The following GRM7 variants were observed in gnomAD, a reference collection of about 807,000 sequenced individuals.
The protein encoded by GRM7 is glutamate metabotropic receptor 7.
GRM7 carries 35 observed loss-of-function variants against 84.5 expected under a neutral mutation model. That is an observed-to-expected ratio of 0.41 (90% CI 0.32 to 0.55). The LOEUF (loss-of-function observed/expected upper bound fraction) is 0.55, where lower values mean the gene tolerates loss of function less well. Among genes scored for constraint, GRM7 ranks in the 20% least tolerant of loss-of-function variants. GRM7 has a pLI of 0.19. For synonymous variants in GRM7, 487 were observed against 455.1 expected, an observed-to-expected ratio of 1.07 and a Z score of -0.89; for missense variants, 1,003 against 1,194.6, an observed-to-expected ratio of 0.84 and a Z score of 2.36.
At chr3:7,681,265 C>T (rs937112466) in intron 9 of GRM7, 1 of 152,168 alleles carries the variant, frequency 6.6e-6, no homozygotes, top group African/African-American at 2.4e-5. Flanking sequence ...AAGTCATTCA[C>T]GACATACTGT....
intron 4 of GRM7, among the ~76,000 whole-genome samples, chr3:7,346,216 A>G (rs1212646978): frequency 1.3e-5 from 2 of 152,118 alleles, no homozygotes; most frequent in East Asian, 1.9e-4. Flanking sequence ...CAATACTGTA[A>G]AAGTATTGAT....
chr3:7,148,109 C>G (rs1414958028), intron 2 of GRM7, among the ~76,000 whole-genome samples: 1 of 152,170 alleles, frequency 6.6e-6, no homozygotes, highest in Non-Finnish European at 1.5e-5. Flanking sequence ...GAAATCTTAA[C>G]TCTGGCCTTG....
chr3:7,175,022 G>A (rs531160405), intron 2 of GRM7, among the ~76,000 whole-genome samples: 4 of 152,092 alleles, frequency 2.6e-5, no homozygotes, highest in Admixed American at 6.5e-5. Context: ...TCCCTCCTTC[G>A]GATTAAGGAG....
chr3:7,611,955 A>G (rs886174664), intron 8 of GRM7, among the ~76,000 whole-genome samples: 5 of 152,188 alleles, frequency 3.3e-5, no homozygotes, highest in Admixed American at 3.3e-4. Flanking sequence ...TATAATAGGA[A>G]AAGCTATGGA....
intron 7 of GRM7, among the ~76,000 whole-genome samples, chr3:7,557,375 G>C (rs1693816573): frequency 6.6e-6 from 1 of 152,136 alleles, no homozygotes; most frequent in Non-Finnish European, 1.5e-5. Flanking sequence ...ACATATCTGG[G>C]AAGAAACATC....
At chr3:6,964,509 A>C (rs147016075) in intron 1 of GRM7, among the ~76,000 whole-genome samples, 139 of 152,212 alleles carry the variant, frequency 9.1e-4, no homozygotes, top group Non-Finnish European at 1.5e-3. Flanking sequence ...TACTTCTCAG[A>C]CATATCCAGT....
At chr3:7,633,668 G>A (rs1278028671) in intron 8 of GRM7, among the ~76,000 whole-genome samples, 1 of 152,102 alleles carries the variant, frequency 6.6e-6, no homozygotes, top group Non-Finnish European at 1.5e-5. Flanking sequence ...GTTCCATTTT[G>A]TCTGCTATGA....
intron 1 of GRM7, among the ~76,000 whole-genome samples, chr3:6,910,896 C>CA (rs1280736100): frequency 1.3e-5 from 2 of 152,104 alleles, no homozygotes; most frequent in Admixed American, 6.6e-5. Context: ...TCCCATCTAA[C>CA]AGAGTTCTAT....
intron 8 of GRM7, among the ~76,000 whole-genome samples, chr3:7,622,955 G>GAAGAT (rs1312797555): frequency 6.6e-6 from 1 of 152,132 alleles, no homozygotes; most frequent in African/African-American, 2.4e-5. Flanking sequence ...TGCAGGCCCA[G>GAAGAT]AAGATAAGGT....
chr3:7,664,240 C>T (rs912592367), intron 8 of GRM7, among the ~76,000 whole-genome samples: 24 of 152,246 alleles, frequency 1.6e-4, no homozygotes, highest in African/African-American at 5.8e-4. Context: ...GCTGGACATG[C>T]CTGGGTCTTT....
chr3:7,113,540 A>G (rs1440517281), intron 1 of GRM7, among the ~76,000 whole-genome samples: 1 of 152,128 alleles, frequency 6.6e-6, no homozygotes, highest in Non-Finnish European at 1.5e-5. Flanking sequence ...ATGACTCTTG[A>G]TGAACTTACA....
At chr3:6,897,911 T>A (rs1287627738) in intron 1 of GRM7, among the ~76,000 whole-genome samples, 4 of 152,094 alleles carry the variant, frequency 2.6e-5, no homozygotes, top group Non-Finnish European at 5.9e-5. Flanking sequence ...AGTGGGGGCC[T>A]CCCCATAGAG....
intron 1 of GRM7, among the ~76,000 whole-genome samples, chr3:7,076,449 T>C: frequency 6.6e-6 from 1 of 152,070 alleles, no homozygotes; most frequent in East Asian, 1.9e-4. Flanking sequence ...TAAGTGGAAG[T>C]TTTTCCCCTG....
intron 9 of GRM7, among the ~76,000 whole-genome samples, chr3:7,687,392 C>G (rs1203215987): frequency 6.6e-6 from 1 of 152,166 alleles, no homozygotes; most frequent in East Asian, 1.9e-4. Flanking sequence ...AGCAATATTA[C>G]ACGACAGTGG....
chr3:7,182,899 T>TTG, intron 2 of GRM7, among the ~76,000 whole-genome samples: 1 of 150,294 alleles, frequency 6.7e-6, no homozygotes, highest in African/African-American at 2.5e-5. Context: ...TGAAAGTGTT[T>TTG]TTTTTTTTTT....
At chr3:7,608,750 C>A (rs966628817) in intron 8 of GRM7, among the ~76,000 whole-genome samples, 3 of 151,930 alleles carry the variant, frequency 2.0e-5, no homozygotes, top group Non-Finnish European at 4.4e-5. Flanking sequence ...TTGCTTTTGT[C>A]GTGATTGCTT....
At chr3:6,967,070 G>T (rs185708535) in intron 1 of GRM7, among the ~76,000 whole-genome samples, 5 of 152,326 alleles carry the variant, frequency 3.3e-5, no homozygotes, top group Non-Finnish European at 7.4e-5. Flanking sequence ...CTGGCCTCAA[G>T]TGATCCTCCC....
At chr3:7,214,808 T>C (rs6789933) in intron 2 of GRM7, among the ~76,000 whole-genome samples, 12,500 of 152,176 alleles carry the variant, frequency 0.082, 1,422 homozygotes, top group African/African-American at 0.26. Context: ...TTTTTTTTGT[T>C]GTTGGCCTCA....
intron 1 of GRM7, among the ~76,000 whole-genome samples, chr3:7,039,099 A>G (rs1294374429): frequency 6.6e-6 from 1 of 152,188 alleles, no homozygotes; most frequent in Non-Finnish European, 1.5e-5. Flanking sequence ...CTACTACCTC[A>G]TGTTTAAAAA....
Sources: gnomAD v4.1 joint callset for allele counts (sites outside exome capture counted in the v4.1 genomes callset) on GRCh38, gnomAD v4.1.1 for gene constraint, MANE v1.5 for transcripts, NCBI Gene and HGNC (gene_info 2026-07-23, HGNC 2026-07-21) for gene names.